The following HYCC2 variants were observed in gnomAD, a reference collection of about 807,000 sequenced individuals.
HYCC2 encodes hyccin 2.
chr2:201,060,531 A>G, the HYCC2 span, among the ~76,000 whole-genome samples: 4 of 152,322 alleles, frequency 2.6e-5, no homozygotes, highest in South Asian at 8.3e-4. Flanking sequence ...ACCATTAGGT[A>G]ATCTTGAAAG....
At chr2:200,996,671 T>C in the HYCC2 span, 3 of 152,126 alleles carry the variant, frequency 2.0e-5, no homozygotes, top group Non-Finnish European at 4.4e-5. Context: ...AAGATTATAA[T>C]CCATGAGATA....
the HYCC2 span, among the ~76,000 whole-genome samples, chr2:200,985,186 G>A: frequency 6.6e-6 from 1 of 152,098 alleles, no homozygotes; most frequent in African/African-American, 2.4e-5. Context: ...TTTCTCCAAA[G>A]GTGATAACAA....
the HYCC2 span, among the ~76,000 whole-genome samples, chr2:201,038,273 G>A: frequency 1.3e-5 from 2 of 152,108 alleles, no homozygotes; most frequent in Non-Finnish European, 2.9e-5. Context: ...GGAGAAATAG[G>A]AACACTTTTA....
the HYCC2 span, among the ~76,000 whole-genome samples, chr2:201,042,762 G>A: frequency 2.5e-4 from 37 of 147,898 alleles, no homozygotes; most frequent in African/African-American, 8.7e-4. Flanking sequence ...CCCGCCCGCC[G>A]CCCCGTCTGG....
chr2:201,038,338 T>C, the HYCC2 span, among the ~76,000 whole-genome samples: 1 of 152,140 alleles, frequency 6.6e-6, no homozygotes, highest in Non-Finnish European at 1.5e-5. Context: ...AGTGTGGCGA[T>C]TCCTCAGGGA....
chr2:201,030,082 G>A, the HYCC2 span, among the ~76,000 whole-genome samples: 2 of 151,922 alleles, frequency 1.3e-5, no homozygotes, highest in East Asian at 1.9e-4. Context: ...GTGAGACCCC[G>A]TCTCAAAAAC....
chr2:201,023,117 G>A, the HYCC2 span, among the ~76,000 whole-genome samples: 2 of 152,172 alleles, frequency 1.3e-5, no homozygotes, highest in East Asian at 3.8e-4. Context: ...GGGAGGTCAA[G>A]GCAAGCGTAT....
At chr2:201,028,986 C>T in the HYCC2 span, among the ~76,000 whole-genome samples, 2 of 152,132 alleles carry the variant, frequency 1.3e-5, no homozygotes, top group Non-Finnish European at 2.9e-5. Flanking sequence ...AGCTTCTGCA[C>T]AGCAAAAGAA....
At chr2:201,066,313 A>T in the HYCC2 span, among the ~76,000 whole-genome samples, 1 of 152,090 alleles carries the variant, frequency 6.6e-6, no homozygotes, top group East Asian at 1.9e-4. Flanking sequence ...ACCTCAAGTG[A>T]TCTGCTCACC....
the HYCC2 span, chr2:201,023,940 G>A: frequency 1.3e-6 from 2 of 1,587,996 alleles, no homozygotes; most frequent in African/African-American, 2.7e-5. Context: ...AATACATTCT[G>A]ATCTCCAATC....
At chr2:201,002,360 A>G in the HYCC2 span, among the ~76,000 whole-genome samples, 1 of 152,028 alleles carries the variant, frequency 6.6e-6, no homozygotes, top group South Asian at 2.1e-4. Context: ...ACAATGTGAC[A>G]CCAGTTTTTA....
chr2:201,006,864 G>A, the HYCC2 span, among the ~76,000 whole-genome samples: 1 of 152,146 alleles, frequency 6.6e-6, no homozygotes, highest in Non-Finnish European at 1.5e-5. Context: ...AATGGAACAT[G>A]ACTTGCCTGA....
At chr2:201,032,879 C>T in the HYCC2 span, among the ~76,000 whole-genome samples, 1 of 151,902 alleles carries the variant, frequency 6.6e-6, no homozygotes, top group Middle Eastern at 3.4e-3. Flanking sequence ...GCCCAGGCTA[C>T]AAAAACATTT....
the HYCC2 span, among the ~76,000 whole-genome samples, chr2:201,003,076 T>G: frequency 6.6e-6 from 1 of 152,042 alleles, no homozygotes; most frequent in Non-Finnish European, 1.5e-5. Flanking sequence ...AAATACAAAA[T>G]TTTTTTAAGA....
At chr2:200,988,435 A>G in the HYCC2 span, 9 of 1,601,194 alleles carry the variant, frequency 5.6e-6, no homozygotes, top group East Asian at 4.5e-5. Flanking sequence ...CAATGATAAT[A>G]TAAGTCTATA....
the HYCC2 span, among the ~76,000 whole-genome samples, chr2:201,013,551 C>T: frequency 1.3e-5 from 2 of 151,676 alleles, no homozygotes; most frequent in Non-Finnish European, 2.9e-5. Context: ...AAAGAACTTC[C>T]GTATAGGGCT....
At chr2:201,034,334 T>A in the HYCC2 span, among the ~76,000 whole-genome samples, 2 of 152,236 alleles carry the variant, frequency 1.3e-5, no homozygotes, top group Admixed American at 6.5e-5. Context: ...CTCTTCTTGT[T>A]GAATTGATCC....
At chr2:201,030,783 T>C in the HYCC2 span, among the ~76,000 whole-genome samples, 1 of 152,086 alleles carries the variant, frequency 6.6e-6, no homozygotes. Flanking sequence ...TTCACCACAT[T>C]GGCCAGGCTG....
the HYCC2 span, chr2:200,988,359 C>A: frequency 6.2e-7 from 1 of 1,613,742 alleles, no homozygotes; most frequent in Non-Finnish European, 8.5e-7. Flanking sequence ...TAAGGACTTT[C>A]TGGCCTTCTT....
Sources: gnomAD v4.1 joint callset for allele counts (sites outside exome capture counted in the v4.1 genomes callset) on GRCh38, gnomAD v4.1.1 for gene constraint, MANE v1.5 for transcripts, NCBI Gene and HGNC (gene_info 2026-07-23, HGNC 2026-07-21) for gene names.